Variants in GPC6 observed in about 807,000 individuals in gnomAD.
The protein encoded by GPC6 is glypican-6.
A neutral mutation model predicts 55.2 loss-of-function variants in GPC6; 14 were observed. That is an observed-to-expected ratio of 0.25 (90% CI 0.17 to 0.40). The LOEUF is 0.40. GPC6 is among the 10% of genes least tolerant of loss of function. The pLI, the probability that GPC6 is intolerant of heterozygous loss-of-function variation, is 1.00. For synonymous variants in GPC6, 278 were observed against 259.6 expected (o/e 1.07, Z -0.68); for missense variants, 641 against 708.5 (o/e 0.90, Z 1.08).
rs917190497 is a variant in GPC6, at chr13:94,027,699, A to T, written c.712-30A>T. On this transcript the variant is annotated intron_variant, in intron 3 of 8. Coordinates refer to ENST00000377047, the MANE Select transcript of GPC6 (RefSeq NM_005708.5). ...CTCCTCTTTATCCTTCTTATTTTTG[A>T]TTTTCTTTTTCTTTGCAATAAATCT... is the stretch of plus-strand genomic sequence containing the variant. The T allele has an allele frequency of 9.3e-6, 15 of 1,606,710 alleles. 1 individual carries two copies. The Admixed American group carries it at 1.8e-4, about 20-fold the overall frequency.
rs115529371 is a variant in GPC6, at chr13:94,060,233, C to T, written c.877+32339C>T. Among the ~76,000 whole-genome samples the T allele has an allele frequency of 7.5e-3, 1,149 of 152,234 alleles. 15 individuals are homozygous for T. The highest frequency in any genetic ancestry group is 0.026 in the African/African-American group (1,060 of 41,528). ...CAATCGCTGGTACCATGCTCCTCTGCTTCTTTTATCCATAGTACATATCAT... is the reference window on the plus strand; with the variant it reads ...CAATCGCTGGTACCATGCTCCTCTGTTTCTTTTATCCATAGTACATATCAT... On this transcript the variant is annotated intron_variant, in intron 4 of 8. Coordinates refer to ENST00000377047, the MANE Select transcript of GPC6 (RefSeq NM_005708.5).
At chr13:93,834,116 C>G (rs1462167174) in intron 3 of GPC6, among the ~76,000 whole-genome samples, 1 of 152,142 alleles carries the variant, frequency 6.6e-6, no homozygotes, top group African/African-American at 2.4e-5. Context: ...GAAGATGTAC[C>G]TATTCTAAAA....
intron 4 of GPC6, among the ~76,000 whole-genome samples, chr13:94,168,539 G>T (rs1451971739): frequency 1.3e-5 from 2 of 151,814 alleles, no homozygotes; most frequent in African/African-American, 2.4e-5. Context: ...ATCTTTTCGG[G>T]CCAGAGCCAC....
At chr13:94,337,063 A>C (rs1042956996) in intron 6 of GPC6, among the ~76,000 whole-genome samples, 6 of 152,220 alleles carry the variant, frequency 3.9e-5, no homozygotes, top group African/African-American at 1.4e-4. Context: ...ACCTCCTTCT[A>C]CTTTCACCCT....
chr13:94,309,853 C>T, intron 6 of GPC6, among the ~76,000 whole-genome samples: 1 of 151,690 alleles, frequency 6.6e-6, no homozygotes, highest in East Asian at 2.0e-4. Flanking sequence ...CCTTAGAAGC[C>T]CCTCTGTCCT....
chr13:93,977,661 G>T (rs901176817), intron 3 of GPC6, among the ~76,000 whole-genome samples: 19 of 152,090 alleles, frequency 1.2e-4, no homozygotes, highest in African/African-American at 4.3e-4. Flanking sequence ...TTGTGGTTCA[G>T]AATGGAAGGG....
intron 2 of GPC6, among the ~76,000 whole-genome samples, chr13:93,676,144 TATATATATATATATATATATATATAC>T (rs1198179996): frequency 9.8e-4 from 11 of 11,188 alleles, no homozygotes; most frequent in Non-Finnish European, 7.1e-3. Context: ...TATATATATA[TATATATATATATATATATATATATAC>T]ATACACACAC....
chr13:94,280,903 G>A (rs1892360281), intron 4 of GPC6, among the ~76,000 whole-genome samples: 1 of 152,108 alleles, frequency 6.6e-6, no homozygotes, highest in Non-Finnish European at 1.5e-5. Flanking sequence ...GACTTAATGA[G>A]AACATTGAAA....
intron 4 of GPC6, among the ~76,000 whole-genome samples, chr13:94,051,991 G>C (rs1883963897): frequency 6.6e-6 from 1 of 152,168 alleles, no homozygotes; most frequent in African/African-American, 2.4e-5. Context: ...GAATACCACA[G>C]AGTTTCTCCA....
intron 3 of GPC6, among the ~76,000 whole-genome samples, chr13:93,870,276 A>AG (rs910722484): frequency 2.8e-4 from 42 of 151,984 alleles, no homozygotes; most frequent in African/African-American, 9.6e-4. Flanking sequence ...TGTGGCTCAT[A>AG]GACATGTCTT....
At position 93,641,549 on chromosome 13, in the gene GPC6, A is replaced by C. The variant is rs553427482; in HGVS notation, c.319+96128A>C. 5.3e-5 allele frequency among the ~76,000 whole-genome samples: 8 copies of C among 152,270 alleles called. No homozygotes were observed. In the South Asian group the frequency reaches 1.7e-3, roughly 31 times the overall value. On this transcript the variant is annotated intron_variant, in intron 2 of 8. Coordinates refer to ENST00000377047, the MANE Select transcript of GPC6 (RefSeq NM_005708.5). ...TTGTGAGGCTTAAATGAGTTATTAC[A>C]TGAAAGCTGTATACAAGTGTCTTAC...
chr13:94,397,074 A>C (rs992697396), intron 7 of GPC6, among the ~76,000 whole-genome samples: 4 of 152,146 alleles, frequency 2.6e-5, no homozygotes, highest in African/African-American at 7.2e-5. Flanking sequence ...ACTATCCTCA[A>C]AAGTTTTTAA....
At chr13:93,945,568 G>C (rs1878966633) in intron 3 of GPC6, among the ~76,000 whole-genome samples, 1 of 152,182 alleles carries the variant, frequency 6.6e-6, no homozygotes, top group Admixed American at 6.5e-5. Flanking sequence ...GGTTCCTCCT[G>C]AGTTGCAAAC....
At chr13:93,383,740 T>C (rs1594133081) in intron 1 of GPC6, among the ~76,000 whole-genome samples, 1 of 152,138 alleles carries the variant, frequency 6.6e-6, no homozygotes, top group African/African-American at 2.4e-5. Flanking sequence ...GAATTTTTTT[T>C]TTTTTAATAG....
chr13:93,490,312 A>G (rs1879917010), intron 1 of GPC6, among the ~76,000 whole-genome samples: 1 of 151,386 alleles, frequency 6.6e-6, no homozygotes, highest in Non-Finnish European at 1.5e-5. Flanking sequence ...TTTAGAGACA[A>G]AGTACTATAA....
intron 1 of GPC6, among the ~76,000 whole-genome samples, chr13:93,519,352 C>G (rs1881321154): frequency 6.6e-6 from 1 of 152,032 alleles, no homozygotes; most frequent in African/African-American, 2.4e-5. Context: ...GTTACACACA[C>G]ATACACACAC....
intron 2 of GPC6, among the ~76,000 whole-genome samples, chr13:93,746,599 G>C (rs568847529): frequency 6.6e-6 from 1 of 152,266 alleles, no homozygotes; most frequent in African/African-American, 2.4e-5. Flanking sequence ...TTTTTGAACT[G>C]TTTTAATCCA....
intron 1 of GPC6, among the ~76,000 whole-genome samples, chr13:93,235,015 G>GA (rs963561017): frequency 2.1e-4 from 31 of 150,822 alleles, no homozygotes; most frequent in Non-Finnish European, 8.9e-5. Flanking sequence ...CTCTGTCAGT[G>GA]AAAAAAAAAC....
At chr13:94,375,676 G>A (rs576295045) in intron 6 of GPC6, among the ~76,000 whole-genome samples, 3 of 140,318 alleles carry the variant, frequency 2.1e-5, no homozygotes, top group African/African-American at 5.3e-5. Flanking sequence ...GAAAAAGAGG[G>A]AATCCTCCCT....
Sources: allele counts gnomAD v4.1 joint callset (sites outside exome capture counted in the v4.1 genomes callset), GRCh38; gene constraint gnomAD v4.1.1; transcripts MANE v1.5; gene names NCBI Gene and HGNC (gene_info 2026-07-23, HGNC 2026-07-21).